The following DYM variants were observed in gnomAD, a reference collection of about 807,000 sequenced individuals.
DYM encodes dymeclin.
A neutral mutation model predicts 93.1 loss-of-function variants in DYM; 78 were observed. The observed-to-expected ratio is 0.84, with a 90% CI of 0.70 to 1.01. The LOEUF (loss-of-function observed/expected upper bound fraction) is 1.01. Ranked by LOEUF, DYM falls within the 50% of genes least tolerant of loss-of-function variation. The probability of loss-of-function intolerance (pLI) is 0.00; values close to 1 mark genes in which losing one functional copy is unlikely to be tolerated. For synonymous variants in DYM, 321 were observed against 319.7 expected (o/e 1.00, Z -0.04); for missense variants, 789 against 845.0 (o/e 0.93, Z 0.82).
chr18:49,383,289 T>G (rs2068233343), intron 3 of DYM, among the ~76,000 whole-genome samples: 1 of 152,198 alleles, frequency 6.6e-6, no homozygotes, highest in Non-Finnish European at 1.5e-5. Context: ...TAGTGGTATT[T>G]TTTTTTAAGA....
At chr18:49,093,544 A>G (rs992400639) in intron 17 of DYM, among the ~76,000 whole-genome samples, 1 of 152,186 alleles carries the variant, frequency 6.6e-6, no homozygotes, top group African/African-American at 2.4e-5. Flanking sequence ...GGCAACGTGG[A>G]GGGAAAGGAA....
chr18:49,287,553 T>A (rs946519776), intron 8 of DYM, among the ~76,000 whole-genome samples: 1 of 151,188 alleles, frequency 6.6e-6, no homozygotes, highest in Non-Finnish European at 1.5e-5. Flanking sequence ...AGAGAAAAAA[T>A]TTCATTATTT....
At chr18:49,198,801 A>G (rs962887067) in intron 14 of DYM, among the ~76,000 whole-genome samples, 5 of 151,962 alleles carry the variant, frequency 3.3e-5, no homozygotes, top group Non-Finnish European at 5.9e-5. Flanking sequence ...TAGTTTAACC[A>G]TTGTGGAAGT....
intron 4 of DYM, 67 bp from the exon 5 acceptor site, chr18:49,378,767 A>T (rs1258093158): frequency 6.4e-7 from 1 of 1,554,752 alleles, no homozygotes; most frequent in African/African-American, 1.4e-5. Context: ...TTTCTAGTTC[A>T]TGATTTCTTC....
At chr18:49,343,489 C>T (rs1292351523) in intron 6 of DYM, among the ~76,000 whole-genome samples, 4 of 152,158 alleles carry the variant, frequency 2.6e-5, no homozygotes, top group Non-Finnish European at 5.9e-5. Flanking sequence ...GCTAAAATAC[C>T]ATCACATTAC....
At chr18:49,322,625 G>T (rs2062578337) in intron 8 of DYM, among the ~76,000 whole-genome samples, 1 of 151,566 alleles carries the variant, frequency 6.6e-6, no homozygotes, top group Non-Finnish European at 1.5e-5. Flanking sequence ...TTATATGTAT[G>T]TTATATTACA....
chr18:49,424,794 T>C (rs1421555386), intron 2 of DYM, among the ~76,000 whole-genome samples: 2 of 152,134 alleles, frequency 1.3e-5, no homozygotes, highest in Non-Finnish European at 2.9e-5. Context: ...CCATTCACAA[T>C]TGCTTCAAAG....
intron 16 of DYM, among the ~76,000 whole-genome samples, chr18:49,105,948 G>A (rs1096921): frequency 0.83 from 126,097 of 152,096 alleles, 52,459 homozygotes; most frequent in South Asian, 0.94. Flanking sequence ...GCTGAGCTCA[G>A]TTCCTGGATA....
intron 13 of DYM, among the ~76,000 whole-genome samples, chr18:49,255,407 G>A (rs1367802147): frequency 2.0e-5 from 3 of 151,960 alleles, no homozygotes; most frequent in Non-Finnish European, 4.4e-5. Context: ...TGGGCGCAGT[G>A]GCTCATGCCT....
chr18:49,376,870 A>C (rs1489997550), intron 5 of DYM, among the ~76,000 whole-genome samples: 2 of 152,240 alleles, frequency 1.3e-5, no homozygotes, highest in Non-Finnish European at 2.9e-5. Context: ...AAAAGATTGC[A>C]GTAAAACAGA....
At chr18:49,125,087 G>A (rs1343121822) in intron 15 of DYM, among the ~76,000 whole-genome samples, 1 of 152,032 alleles carries the variant, frequency 6.6e-6, no homozygotes, top group Non-Finnish European at 1.5e-5. Context: ...GTGAAACCTC[G>A]CCTCTACTAA....
At chr18:49,382,441 C>T in intron 3 of DYM, among the ~76,000 whole-genome samples, 1 of 152,214 alleles carries the variant, frequency 6.6e-6, no homozygotes, top group East Asian at 1.9e-4. Context: ...AAACAATACT[C>T]CATGGTAGAT....
At chr18:49,375,768 A>AT (rs2067451793) in intron 5 of DYM, 2 of 152,134 alleles carry the variant, frequency 1.3e-5, no homozygotes, top group African/African-American at 4.8e-5. Context: ...GAGTCAGTGG[A>AT]CTGGGAGAGG....
At chr18:49,078,352 G>T (rs2077487997) in intron 17 of DYM, among the ~76,000 whole-genome samples, 1 of 151,602 alleles carries the variant, frequency 6.6e-6, no homozygotes, top group South Asian at 2.1e-4. Flanking sequence ...AACATCTCAT[G>T]TACCCCATAA....
At chr18:49,230,006 T>C (rs11082740) in intron 13 of DYM, among the ~76,000 whole-genome samples, 11,705 of 152,204 alleles carry the variant, frequency 0.077, 733 homozygotes, top group East Asian at 0.31. Context: ...ATAAGATTTA[T>C]GACAAAGTGG....
chr18:49,366,143 T>C (rs965495111), intron 5 of DYM, among the ~76,000 whole-genome samples: 1 of 152,196 alleles, frequency 6.6e-6, no homozygotes, highest in African/African-American at 2.4e-5. Context: ...AGTAAATAAT[T>C]GTATTTTAAG....
At position 49,324,176 on chromosome 18, in the gene DYM, A is replaced by G. The variant is rs185641772; in HGVS notation, c.763+7688T>C. Among the ~76,000 whole-genome samples, 927 of 138,876 alleles carry G rather than the reference A, an allele frequency of 6.7e-3. 12 individuals are homozygous for G. The highest frequency in any genetic ancestry group is 0.023 in the African/African-American group (866 of 38,176). 91.1% of individuals were successfully genotyped at this position (138,876 alleles called of 152,430 possible). On this transcript the variant is annotated intron_variant, in intron 8 of 17. Transcript: ENST00000675505. ...AAAAAAAAAAAAAAAAAAATCTTTA[A>G]CACGGCAGGGTGATGTGCTCGTAGA...
rs1600490911 is a variant in DYM at position 49,191,660 on chromosome 18, C to T, written c.1625+17891G>A. Among the ~76,000 whole-genome samples, 8 of 152,112 alleles carry T rather than the reference C, an allele frequency of 5.3e-5. No homozygotes were observed. The South Asian group carries it at 1.7e-3, about 32-fold the overall frequency. ...TTTACACATCAATTTTAAATTTTAG[C>T]CAGTTTTATAAATTATCTCCTAGTG... is the stretch of plus-strand genomic sequence containing the variant. On this transcript the variant is annotated intron_variant, in intron 14 of 17. Transcript: ENST00000675505.
intron 8 of DYM, among the ~76,000 whole-genome samples, chr18:49,302,650 A>G (rs943872017): frequency 2.6e-5 from 4 of 152,200 alleles, no homozygotes; most frequent in African/African-American, 9.7e-5. Flanking sequence ...GGGGGAAGGA[A>G]AACAGTAGCT....
Sources: gnomAD v4.1 joint callset for allele counts (sites outside exome capture counted in the v4.1 genomes callset) on GRCh38, gnomAD v4.1.1 for gene constraint, MANE v1.5 for transcripts, NCBI Gene and HGNC (gene_info 2026-07-23, HGNC 2026-07-21) for gene names.